Variants in ARHGAP12 observed in about 807,000 individuals in gnomAD.
ARHGAP12 encodes the protein rho GTPase-activating protein 12.
ARHGAP12 carries 64 observed loss-of-function variants against 108.6 expected under a neutral mutation model. The ratio of observed to expected loss-of-function variants is 0.59; its 90% confidence interval spans 0.48 to 0.73. ARHGAP12 has a LOEUF of 0.73. Among genes scored for constraint, ARHGAP12 ranks in the 30% least tolerant of loss-of-function variants. The pLI, the probability that ARHGAP12 is intolerant of heterozygous loss-of-function variation, is 0.00. For missense variants in ARHGAP12, 940 were observed against 1,005.9 expected (o/e 0.93, Z 0.89); for synonymous variants, 312 against 337.2 (o/e 0.93, Z 0.82).
rs184513020 is a variant in ARHGAP12, at chr10:31,848,263, T to C, written c.1170+4254A>G. 4.9e-4 allele frequency among the ~76,000 whole-genome samples: 75 copies of C among 152,318 alleles called. 1 individual carries two copies. Among genetic ancestry groups the C allele is most frequent in the Middle Eastern group, 3.4e-3 (1 of 294 alleles). On this transcript the variant is annotated intron_variant, in intron 6 of 19. Coordinates refer to ENST00000344936, the MANE Select transcript of ARHGAP12 (RefSeq NM_018287.7). Reference sequence around the variant, plus strand: ...AGTAAGAATGGATCCAGTGGTGCCATCTACTGCAGTAGGTGATCTGTCCTT... The same window carrying C: ...AGTAAGAATGGATCCAGTGGTGCCACCTACTGCAGTAGGTGATCTGTCCTT...
At chr10:31,921,304 A>G (rs774635588) in intron 1 of ARHGAP12, among the ~76,000 whole-genome samples, 5 of 152,182 alleles carry the variant, frequency 3.3e-5, no homozygotes, top group Non-Finnish European at 5.9e-5. Context: ...CCAAACAGGA[A>G]ATGTGTACTG....
At chr10:31,830,136 T>G (rs1022522833) in intron 10 of ARHGAP12, among the ~76,000 whole-genome samples, 4 of 152,186 alleles carry the variant, frequency 2.6e-5, no homozygotes, top group Non-Finnish European at 5.9e-5. Context: ...TCCTTAAAAT[T>G]TGTTTTAATT....
At chr10:31,861,783 TTC>T (rs1460792610) in intron 3 of ARHGAP12, 125 bp from the exon 4 acceptor site, 5 of 860,330 alleles carry the variant, frequency 5.8e-6, no homozygotes, top group Non-Finnish European at 8.4e-6. Flanking sequence ...GGTGAATATA[TTC>T]TGAGGAAATA....
intron 3 of ARHGAP12, among the ~76,000 whole-genome samples, chr10:31,867,553 G>A (rs959622387): frequency 2.6e-5 from 4 of 152,086 alleles, no homozygotes; most frequent in African/African-American, 7.2e-5. Context: ...CTTTTCTAGC[G>A]AACCAAAAAT....
At chr10:31,832,134 A>G (rs1158163971) in intron 9 of ARHGAP12, among the ~76,000 whole-genome samples, 1 of 152,208 alleles carries the variant, frequency 6.6e-6, no homozygotes, top group South Asian at 2.1e-4. Context: ...ATACAATGCT[A>G]TAAGGATAAA....
At chr10:31,895,381 A>T (rs552277217) in intron 3 of ARHGAP12, among the ~76,000 whole-genome samples, 50 of 152,356 alleles carry the variant, frequency 3.3e-4, no homozygotes, top group African/African-American at 1.1e-3. Context: ...AGAATCTACA[A>T]AGAACTTAAA....
chr10:31,855,039 G>A (rs1169536982), intron 4 of ARHGAP12, among the ~76,000 whole-genome samples: 8 of 110,438 alleles, frequency 7.2e-5, no homozygotes, highest in Non-Finnish European at 1.1e-4. Context: ...GGAGGGGAGG[G>A]GGAGGGGATA....
chr10:31,862,392 T>A (rs1280373518), intron 3 of ARHGAP12, among the ~76,000 whole-genome samples: 1 of 152,192 alleles, frequency 6.6e-6, no homozygotes, highest in Non-Finnish European at 1.5e-5. Context: ...TTTTTATTTT[T>A]AAATATCTCA....
intron 6 of ARHGAP12, among the ~76,000 whole-genome samples, chr10:31,851,870 C>T (rs142309320): frequency 4.6e-5 from 7 of 152,206 alleles, no homozygotes; most frequent in South Asian, 2.1e-4. Context: ...CCACTAATTA[C>T]GGCTATTTTC....
intron 9 of ARHGAP12, among the ~76,000 whole-genome samples, chr10:31,833,567 C>G (rs937247522): frequency 6.6e-6 from 1 of 152,238 alleles, no homozygotes; most frequent in African/African-American, 2.4e-5. Context: ...TCACAGGGAT[C>G]AAGACCCAAG....
chr10:31,912,403 T>G (rs1442385651), intron 1 of ARHGAP12, among the ~76,000 whole-genome samples: 1 of 152,118 alleles, frequency 6.6e-6, no homozygotes, highest in African/African-American at 2.4e-5. Context: ...AGAGGAATTG[T>G]GGGGCTGGGG....
At chr10:31,869,644 C>T (rs1280482066) in intron 3 of ARHGAP12, among the ~76,000 whole-genome samples, 1 of 152,096 alleles carries the variant, frequency 6.6e-6, no homozygotes. Flanking sequence ...TGAATTGGGA[C>T]CAGTACCTCT....
intron 13 of ARHGAP12, among the ~76,000 whole-genome samples, chr10:31,817,158 C>CTA (rs1287173732): frequency 6.6e-6 from 1 of 151,958 alleles, no homozygotes; most frequent in Non-Finnish European, 1.5e-5. Context: ...CTGCAGTGAG[C>CTA]TATGACTGTG....
intron 3 of ARHGAP12, among the ~76,000 whole-genome samples, chr10:31,877,421 T>G (rs564259375): frequency 6.6e-6 from 1 of 152,340 alleles, no homozygotes; most frequent in East Asian, 1.9e-4. Flanking sequence ...AAGACTGACA[T>G]TTATCAATTC....
intron 15 of ARHGAP12, among the ~76,000 whole-genome samples, chr10:31,811,246 A>G (rs1299967430): frequency 6.6e-6 from 1 of 152,248 alleles, no homozygotes; most frequent in Admixed American, 6.5e-5. Context: ...AGGTATTCAT[A>G]GCACCTAGGC....
At chr10:31,808,584 G>A in intron 19 of ARHGAP12, 65 bp downstream of exon 19, 2 of 1,417,140 alleles carry the variant, frequency 1.4e-6, no homozygotes, top group Non-Finnish European at 2.0e-6. Context: ...AGTGACCCTG[G>A]CCCCACAGGC....
chr10:31,841,287 C>T (rs188095202), intron 7 of ARHGAP12, among the ~76,000 whole-genome samples: 11 of 152,108 alleles, frequency 7.2e-5, no homozygotes, highest in Admixed American at 3.9e-4. Flanking sequence ...CACAGACATA[C>T]GGCTACCCTT....
chr10:31,919,300 G>T (rs895404975), intron 1 of ARHGAP12, among the ~76,000 whole-genome samples: 2 of 152,178 alleles, frequency 1.3e-5, no homozygotes, highest in East Asian at 3.8e-4. Context: ...GAGATGAAGG[G>T]TGGTGATGGC....
intron 3 of ARHGAP12, among the ~76,000 whole-genome samples, chr10:31,891,663 T>C (rs1218997239): frequency 6.6e-6 from 1 of 152,210 alleles, no homozygotes; most frequent in African/African-American, 2.4e-5. Flanking sequence ...CCGGATAATA[T>C]TCTGCAGAGT....
Sources: gnomAD v4.1 joint callset for allele counts (sites outside exome capture counted in the v4.1 genomes callset) on GRCh38, gnomAD v4.1.1 for gene constraint, MANE v1.5 for transcripts, NCBI Gene and HGNC (gene_info 2026-07-23, HGNC 2026-07-21) for gene names.